FHIT: variants seen among roughly 807,000 people sequenced by gnomAD.
FHIT encodes the protein bis(5'-adenosyl)-triphosphatase.
A neutral mutation model predicts 17.9 loss-of-function variants in FHIT; 19 were observed. That is an observed-to-expected ratio of 1.06 (90% CI 0.74 to 1.56). The LOEUF is 1.56. Ranked by LOEUF, FHIT falls within the 40% of genes most tolerant of loss-of-function variation. The pLI is 0.00. For missense variants in FHIT, 248 were observed against 189.2 expected (o/e 1.31, Z -1.82); for synonymous variants, 81 against 69.7 (o/e 1.16, Z -0.81).
chr3:60,788,196 G>A (rs1553727493), intron 4 of FHIT, among the ~76,000 whole-genome samples: 1 of 152,148 alleles, frequency 6.6e-6, no homozygotes, highest in Non-Finnish European at 1.5e-5. Context: ...GGAAGCTAAG[G>A]TGGGAGGATT....
chr3:59,869,801 T>A (rs923997755), intron 8 of FHIT, among the ~76,000 whole-genome samples: 2 of 151,954 alleles, frequency 1.3e-5, no homozygotes, highest in Non-Finnish European at 2.9e-5. Flanking sequence ...TACCCATTTT[T>A]AAAATACCAT....
At chr3:60,550,895 G>GA (rs2036524235) in intron 4 of FHIT, among the ~76,000 whole-genome samples, 1 of 152,110 alleles carries the variant, frequency 6.6e-6, no homozygotes, top group Non-Finnish European at 1.5e-5. Context: ...AGTCAACAAG[G>GA]AAAAATATTC....
In FHIT at chr3:60,029,879, T is replaced by TTGTGTGTG. The variant is rs746113510; in HGVS notation, c.104-15735_104-15728dup. Among the ~76,000 whole-genome samples, 1,100 of 131,468 alleles carry TTGTGTGTG rather than the reference T, an allele frequency of 8.4e-3. 21 individuals are homozygous for TTGTGTGTG. Among genetic ancestry groups the TTGTGTGTG allele is most frequent in the Middle Eastern group, 0.05 (13 of 262 alleles). 86.2% of individuals were successfully genotyped at this position (131,468 alleles called of 152,430 possible). ...TTGGGCAGATGTCCTCATAGAAGCA[T>TTGTGTGTG]TGTGTGTGTGTGTGTGTCTGTGTGT... On this transcript the variant is annotated intron_variant, in intron 5 of 9. Coordinates refer to ENST00000492590, the MANE Select transcript of FHIT (RefSeq NM_002012.4).
intron 5 of FHIT, among the ~76,000 whole-genome samples, chr3:60,485,617 A>C (rs1311621722): frequency 6.6e-6 from 1 of 151,278 alleles, no homozygotes; most frequent in Non-Finnish European, 1.5e-5. Flanking sequence ...ATACATGGAC[A>C]CAGGGAGGGG....
intron 4 of FHIT, chr3:60,537,422 T>C (rs1044661288): frequency 4.2e-6 from 4 of 956,054 alleles, no homozygotes; most frequent in African/African-American, 3.5e-5. Context: ...TGTGTTCATA[T>C]AATAGCAATT....
chr3:60,778,633 CG>C (rs1700281478), intron 4 of FHIT, among the ~76,000 whole-genome samples: 1 of 152,190 alleles, frequency 6.6e-6, no homozygotes, highest in Admixed American at 6.5e-5. Flanking sequence ...AAGTTTGAAG[CG>C]TGTTTGTTTC....
intron 5 of FHIT, among the ~76,000 whole-genome samples, chr3:60,058,284 A>T (rs998987804): frequency 4.6e-5 from 7 of 151,692 alleles, no homozygotes; most frequent in Non-Finnish European, 8.8e-5. Flanking sequence ...AGCTGGGATT[A>T]CATGCCCAGC....
intron 5 of FHIT, among the ~76,000 whole-genome samples, chr3:60,279,498 C>G (rs114839597): frequency 6.6e-4 from 100 of 152,216 alleles, no homozygotes; most frequent in Middle Eastern, 3.4e-3. Flanking sequence ...AAAATGATAG[C>G]AATTCTCTAC....
At chr3:61,234,396 T>A (rs769987655) in intron 1 of FHIT, among the ~76,000 whole-genome samples, 1 of 152,206 alleles carries the variant, frequency 6.6e-6, no homozygotes, top group Non-Finnish European at 1.5e-5. Context: ...AAAAATAATG[T>A]CATGTTCTAA....
At chr3:60,860,820 ATATGATACATATGTACATATATCAGG>A in intron 3 of FHIT, among the ~76,000 whole-genome samples, 1 of 3,730 alleles carries the variant, frequency 2.7e-4, no homozygotes, top group Non-Finnish European at 6.4e-3. Flanking sequence ...TATCAGGTAT[ATATGATACATATGTACATATATCAGG>A]TATATATGAA....
At chr3:59,819,701 A>G (rs1700723757) in intron 8 of FHIT, among the ~76,000 whole-genome samples, 2 of 152,202 alleles carry the variant, frequency 1.3e-5, no homozygotes, top group African/African-American at 4.8e-5. Flanking sequence ...GAATCATACC[A>G]TAGAACAGAT....
chr3:60,349,988 G>C (rs1416323390), intron 5 of FHIT, among the ~76,000 whole-genome samples: 2 of 152,104 alleles, frequency 1.3e-5, no homozygotes, highest in Non-Finnish European at 2.9e-5. Flanking sequence ...TAAGGCAGTG[G>C]AGATCATTAG....
At chr3:60,202,598 T>C (rs1702966386) in intron 5 of FHIT, among the ~76,000 whole-genome samples, 1 of 152,148 alleles carries the variant, frequency 6.6e-6, no homozygotes, top group Non-Finnish European at 1.5e-5. Flanking sequence ...GCTATAAAGT[T>C]ACAATCCAAA....
intron 8 of FHIT, among the ~76,000 whole-genome samples, chr3:59,873,521 T>C (rs1035353187): frequency 6.6e-6 from 1 of 152,210 alleles, no homozygotes; most frequent in Admixed American, 6.5e-5. Context: ...TACTCTCCCA[T>C]CTGTCCTCTA....
At chr3:60,608,468 A>C (rs17063650) in intron 4 of FHIT, among the ~76,000 whole-genome samples, 1,619 of 152,278 alleles carry the variant, frequency 0.011, 26 homozygotes, top group African/African-American at 0.036. Flanking sequence ...TAATATGTAC[A>C]TAAGTGTTCA....
chr3:61,238,281 G>C (rs1299996492), intron 1 of FHIT, among the ~76,000 whole-genome samples: 4 of 152,174 alleles, frequency 2.6e-5, no homozygotes. Context: ...ATGCAGCCAA[G>C]ACTCAGCTAA....
chr3:59,919,933 G>T (rs1705322316), intron 8 of FHIT, among the ~76,000 whole-genome samples: 1 of 152,138 alleles, frequency 6.6e-6, no homozygotes, highest in South Asian at 2.1e-4. Context: ...TCTGGACACT[G>T]TGTTATTAGA....
rs368245078 is a variant in FHIT at position 60,374,304 on chromosome 3, G to A, written c.103+162556C>T. The stretch of plus-strand genomic sequence containing the variant: ...AATAGTCTAGTTTTAGTTACTTTTT[G>A]CAACCTAAAGTAAGAAGTCTCTATT... On this transcript the variant is annotated intron_variant, in intron 5 of 9. Transcript: ENST00000492590. 5.3e-5 allele frequency among the ~76,000 whole-genome samples: 8 copies of A among 151,998 alleles called. 1 individual carries two copies. The highest frequency in any genetic ancestry group is 2.1e-4 in the South Asian group (1 of 4,780).
intron 5 of FHIT, among the ~76,000 whole-genome samples, chr3:60,293,392 A>G (rs1708072315): frequency 6.6e-6 from 1 of 151,608 alleles, no homozygotes; most frequent in African/African-American, 2.4e-5. Flanking sequence ...CAGAAGCTAA[A>G]CAAGAAAAGA....
Sources: allele counts gnomAD v4.1 joint callset (sites outside exome capture counted in the v4.1 genomes callset), GRCh38; gene constraint gnomAD v4.1.1; transcripts MANE v1.5; gene names NCBI Gene and HGNC (gene_info 2026-07-23, HGNC 2026-07-21).